The following NRXN1 variants were observed in gnomAD, a reference collection of about 807,000 sequenced individuals.
The protein encoded by NRXN1 is neurexin 1, also known as neurexin-1.
NRXN1 carries 39 observed loss-of-function variants against 150.9 expected under a neutral mutation model. That is an observed-to-expected ratio of 0.26 (90% CI 0.20 to 0.34). NRXN1 has a LOEUF of 0.34. Among genes scored for constraint, NRXN1 ranks in the 10% least tolerant of loss-of-function variants. The pLI, the probability that NRXN1 is intolerant of heterozygous loss-of-function variation, is 1.00. For missense variants in NRXN1, 1,815 were observed against 1,949.9 expected, an observed-to-expected ratio of 0.93 and a Z score of 1.30; for synonymous variants, 924 against 757.0, an observed-to-expected ratio of 1.22 and a Z score of -3.62.
At position 50,506,607 on chromosome 2, in the gene NRXN1, G is replaced by T. The variant is rs147984237; in HGVS notation, c.2385C>A (p.Pro795=). Residue 795 remains proline, a synonymous_variant, in exon 13 of 23, where the codon CCC becomes CCA. Transcript: ENST00000401669. ...GGTTATAGCCAGCAAAAAGAGTCTC[G>T]GGACCTTTGCCTGTAGAATATGCCA... The part of the protein sequence containing the change: ...IRINCNSSKG[P]ETLFAGYNLN... 1 of 1,613,036 alleles carries T rather than the reference G, an allele frequency of 6.2e-7. No individual in the cohort carries two copies. Among genetic ancestry groups the T allele is most frequent in the Non-Finnish European group, 8.5e-7 (1 of 1,179,414 alleles).
At chr2:50,536,267 A>G (rs2093256837) in intron 10 of NRXN1, among the ~76,000 whole-genome samples, 1 of 152,202 alleles carries the variant, frequency 6.6e-6, no homozygotes, top group Non-Finnish European at 1.5e-5. Context: ...TAGTCCAGTA[A>G]CAAGAACCAC....
chr2:50,839,745 G>A (rs1312555892), intron 5 of NRXN1, among the ~76,000 whole-genome samples: 1 of 152,076 alleles, frequency 6.6e-6, no homozygotes, highest in Non-Finnish European at 1.5e-5. Flanking sequence ...TGTCATTATT[G>A]AGCTTATGTT....
chr2:50,486,442 T>C (rs1005498277), intron 15 of NRXN1, among the ~76,000 whole-genome samples: 1 of 152,226 alleles, frequency 6.6e-6, no homozygotes, highest in Non-Finnish European at 1.5e-5. Context: ...TCATTTTGGA[T>C]ATCATTTTGG....
intron 5 of NRXN1, among the ~76,000 whole-genome samples, chr2:50,860,204 G>C (rs747679248): frequency 2.6e-5 from 4 of 151,420 alleles, no homozygotes; most frequent in Non-Finnish European, 4.4e-5. Context: ...CAGTTGCTTT[G>C]TTGATAAAAG....
intron 5 of NRXN1, among the ~76,000 whole-genome samples, chr2:50,878,766 A>T (rs1347973120): frequency 6.6e-6 from 1 of 151,962 alleles, no homozygotes; most frequent in Non-Finnish European, 1.5e-5. Flanking sequence ...AAAGCTTATA[A>T]TTTAAAAATA....
chr2:50,800,262 C>G (rs1198835008), intron 5 of NRXN1, among the ~76,000 whole-genome samples: 1 of 152,118 alleles, frequency 6.6e-6, no homozygotes. Context: ...CCAGTTTTCT[C>G]CTTTAACTAA....
At chr2:50,427,393 G>A (rs1300761660) in intron 17 of NRXN1, among the ~76,000 whole-genome samples, 1 of 148,662 alleles carries the variant, frequency 6.7e-6, no homozygotes, top group Admixed American at 6.7e-5. Flanking sequence ...ATAACATTCT[G>A]ACAACTCATC....
intron 5 of NRXN1, among the ~76,000 whole-genome samples, chr2:50,916,491 A>G (rs934932003): frequency 8.0e-6 from 1 of 125,576 alleles, no homozygotes; most frequent in African/African-American, 3.0e-5. Flanking sequence ...AATCTAGATT[A>G]AAAAAGTACA....
chr2:50,732,863 G>C (rs527938048), intron 5 of NRXN1, among the ~76,000 whole-genome samples: 1 of 152,092 alleles, frequency 6.6e-6, no homozygotes, highest in Non-Finnish European at 1.5e-5. Context: ...CAGTGAAGCT[G>C]AATGTACAAA....
At chr2:50,701,751 A>G (rs9309191) in intron 5 of NRXN1, among the ~76,000 whole-genome samples, 81,134 of 151,858 alleles carry the variant, frequency 0.53, 21,944 homozygotes, top group East Asian at 0.75. Context: ...CCCTTTAAGG[A>G]TGGGAGACAT....
At chr2:50,820,340 G>C (rs1000884753) in intron 5 of NRXN1, among the ~76,000 whole-genome samples, 9 of 152,084 alleles carry the variant, frequency 5.9e-5, no homozygotes, top group Admixed American at 5.2e-4. Flanking sequence ...CACAGGTGTT[G>C]TGTGTCCCAT....
rs548990889 is a variant in NRXN1 at position 50,186,119 on chromosome 2, A to C, written c.3546+50670T>G. Among the ~76,000 whole-genome samples the C allele has an allele frequency of 2.0e-5, 3 of 152,206 alleles. No homozygotes were observed. In the South Asian group the frequency reaches 6.2e-4, roughly 32 times the overall value. On this transcript the variant is annotated intron_variant, in intron 18 of 22. Transcript: ENST00000401669. ...ATCTGCCAGAAAACCTGCATTTTCCATGATTTGAATGGGCCACTTCAATGA... is the reference window on the plus strand; with the variant it reads ...ATCTGCCAGAAAACCTGCATTTTCCCTGATTTGAATGGGCCACTTCAATGA...
intron 18 of NRXN1, among the ~76,000 whole-genome samples, chr2:50,133,522 C>T (rs1705889080): frequency 1.3e-5 from 2 of 152,068 alleles, no homozygotes; most frequent in Non-Finnish European, 2.9e-5. Context: ...TTCTTTAGGT[C>T]CACAGGGATT....
chr2:50,604,012 T>G (rs1237283682), intron 8 of NRXN1, among the ~76,000 whole-genome samples: 1 of 152,192 alleles, frequency 6.6e-6, no homozygotes, highest in East Asian at 1.9e-4. Flanking sequence ...TTGCTTGTGT[T>G]TGTATTTTGT....
intron 17 of NRXN1, among the ~76,000 whole-genome samples, chr2:50,352,740 G>C (rs2078499908): frequency 7.0e-6 from 1 of 142,898 alleles, no homozygotes; most frequent in Non-Finnish European, 1.5e-5. Flanking sequence ...CAGAAAATGA[G>C]AGTAAGAGCA....
At chr2:50,033,450 T>A (rs1689485979) in intron 21 of NRXN1, among the ~76,000 whole-genome samples, 1 of 152,082 alleles carries the variant, frequency 6.6e-6, no homozygotes, top group African/African-American at 2.4e-5. Context: ...CTGGACCCCT[T>A]CCTCACACCA....
intron 2 of NRXN1, among the ~76,000 whole-genome samples, chr2:50,969,028 C>T (rs1238498921): frequency 6.6e-6 from 1 of 152,084 alleles, no homozygotes; most frequent in Non-Finnish European, 1.5e-5. Context: ...GTCCCAGTAA[C>T]ACTCCAAGCC....
intron 21 of NRXN1, chr2:50,019,412 AG>A (rs1687140518): frequency 2.3e-6 from 1 of 440,588 alleles, no homozygotes; most frequent in African/African-American, 2.0e-5. Context: ...TGGGAGGCCG[AG>A]GTGGGTGGAT....
intron 18 of NRXN1, among the ~76,000 whole-genome samples, chr2:50,098,071 C>A (rs367797993): frequency 1.3e-5 from 2 of 152,106 alleles, no homozygotes; most frequent in Non-Finnish European, 2.9e-5. Flanking sequence ...CTGAGATATA[C>A]ATGCCATCCT....
Sources: gnomAD v4.1 joint callset for allele counts (sites outside exome capture counted in the v4.1 genomes callset) on GRCh38, gnomAD v4.1.1 for gene constraint, MANE v1.5 for transcripts, NCBI Gene and HGNC (gene_info 2026-07-23, HGNC 2026-07-21) for gene names.